Variants in TST observed in about 807,000 individuals in gnomAD.
TST encodes epididymis secretory sperm binding protein.
A neutral mutation model predicts 20.4 loss-of-function variants in TST; 22 were observed. The ratio of observed to expected loss-of-function variants is 1.08; its 90% CI spans 0.77 to 1.54. TST has a LOEUF of 1.54. TST is among the 40% of genes most tolerant of loss of function. TST has a pLI of 0.00. For synonymous variants in TST, 187 were observed against 173.8 expected (o/e 1.08, Z -0.60); for missense variants, 392 against 405.2 (o/e 0.97, Z 0.28).
At chr22:37,011,352 G>A (rs1349027229) in intron 2 of TST, 27 bp from the exon 3 acceptor site, 2 of 1,593,524 alleles carry the variant, frequency 1.3e-6, no homozygotes, top group Admixed American at 1.7e-5. Flanking sequence ...ACACAGCTTA[G>A]GGGATGTATG....
Position 37,018,709 on chromosome 22 carries a change from C to T in TST, c.24G>A (p.Arg8=). 3 of 1,511,044 alleles carry T rather than the reference C, an allele frequency of 2.0e-6. No individual in the cohort carries two copies. The highest frequency in any genetic ancestry group is 2.6e-6 in the Non-Finnish European group (3 of 1,133,840). 93.6% of individuals were successfully genotyped at this position (1,511,044 alleles called of 1,614,324 possible). Reference sequence around the variant, plus strand: ...CCAGCCACTTGGTGGAGACCAGCGCCCGGTAGAGCACCTGATGAACCATGG... The same window carrying T: ...CCAGCCACTTGGTGGAGACCAGCGCTCGGTAGAGCACCTGATGAACCATGG... MVHQVLY[R]ALVSTKWLAE... is the part of the protein sequence containing the mutation. Residue 8 remains arginine (R), a synonymous_variant, in exon 2 of 3, where the codon CGG becomes CGA. Transcript: ENST00000249042.
chr22:37,019,922 C>A, upstream of TST: 1 of 997,164 alleles, frequency 1.0e-6, no homozygotes, highest in Non-Finnish European at 1.3e-6. Flanking sequence ...GAGGGAGTGG[C>A]TCTTTGGGGG....
chr22:37,014,327 A>G (rs130605), intron 2 of TST, among the ~76,000 whole-genome samples: 95,691 of 152,082 alleles, frequency 0.63, 32,107 homozygotes, highest in African/African-American at 0.87. Context: ...CCAAGATCGC[A>G]CCACTGCACT....
chr22:37,017,898 G>C (rs1922744271), intron 2 of TST, among the ~76,000 whole-genome samples: 1 of 152,212 alleles, frequency 6.6e-6, no homozygotes, highest in African/African-American at 2.4e-5. Flanking sequence ...TGCTCACACA[G>C]ATGCTAGGTG....
intron 1 of TST, 174 bp from the exon 2 acceptor site, chr22:37,018,927 T>G: frequency 4.1e-6 from 2 of 488,564 alleles, no homozygotes; most frequent in African/African-American, 2.0e-5. Context: ...AGATTCCCTC[T>G]GGAAAGCCGG....
intron 2 of TST, among the ~76,000 whole-genome samples, chr22:37,017,248 T>A (rs1922714334): frequency 6.6e-6 from 1 of 152,108 alleles, no homozygotes; most frequent in Non-Finnish European, 1.5e-5. Flanking sequence ...GAACTCAGCA[T>A]TTCCTCTCCT....
rs1313825719 is a variant in TST, at chr22:37,011,060, G to C, written c.861C>G (p.Ser287Arg). Residue 287 changes from serine to arginine, a missense_variant, in exon 3 of 3, where the codon AGC becomes AGG. Physicochemically the swap from Ser to Arg is moderately radical, Grantham distance 110. Transcript: ENST00000249042. ...SEWFRRAPPE[S>R]RVSQGKSEKA ...TCTCAGACTTTCCCTGGGACACACG[G>C]CTCTCTGGGGGGGCCCGGCGAAACC... The C allele has an allele frequency of 6.2e-7, 1 of 1,611,626 alleles. No homozygotes were observed.
chr22:37,016,661 C>T (rs1030509776), intron 2 of TST, among the ~76,000 whole-genome samples: 1 of 152,104 alleles, frequency 6.6e-6, no homozygotes, highest in Non-Finnish European at 1.5e-5. Context: ...CAGCTTAAAT[C>T]CCAAGGAGAA....
chr22:37,011,181 G>A lies in TST; in HGVS notation c.740C>T (p.Thr247Met), dbSNP rs143561353. ...KVDLSQPLIA[T>M]CRKGVTACHV... ...GCAGGCGGTGACTCCCTTGCGGCACGTGGCAATGAGAGGCTGCGAGAGATC... is the reference window on the plus strand; with the variant it reads ...GCAGGCGGTGACTCCCTTGCGGCACATGGCAATGAGAGGCTGCGAGAGATC... The change falls in exon 3 of 3, where the codon ACG (threonine) becomes ATG (methionine). Residue 247 changes from threonine (T) to methionine (M), a missense_variant. Coordinates refer to ENST00000249042, the MANE Select transcript of TST (RefSeq NM_003312.6). 13 of 1,613,840 alleles carry A rather than the reference G, an allele frequency of 8.1e-6. No homozygotes were observed. The African/African-American group carries it at 1.1e-4, about 13-fold the overall frequency.
At chr22:37,017,791 G>A (rs1922738980) in intron 2 of TST, among the ~76,000 whole-genome samples, 1 of 152,166 alleles carries the variant, frequency 6.6e-6, no homozygotes, top group South Asian at 2.1e-4. Context: ...CAATGCAAAC[G>A]CTGGCTCAGG....
chr22:37,011,331 C>A lies in TST; in HGVS notation c.596-6G>T. The A allele has an allele frequency of 6.2e-7, 1 of 1,608,396 alleles. No homozygotes were observed. The highest frequency in any genetic ancestry group is 8.5e-7 in the Non-Finnish European group (1 of 1,175,998). ...GATATGGCCCGAGTCCAGTCCTGGG[C>A]AGGGCAGAGGACACAGCTTAGGGGA... On this transcript the variant is annotated splice_region_variant and splice_polypyrimidine_tract_variant and intron_variant, in intron 2 of 2. Transcript: ENST00000249042.
Position 37,011,266 on chromosome 22 carries a change from C to G in TST, c.655G>C (p.Glu219Gln), listed in dbSNP as rs1385481030. The G allele has an allele frequency of 1.2e-6, 2 of 1,613,918 alleles. No individual in the cohort carries two copies. Among genetic ancestry groups the G allele is most frequent in the Non-Finnish European group, 8.5e-7 (1 of 1,180,004 alleles). Reference sequence around the variant, plus strand: ...TCTGGGCCCTTCTCGAAGCCATCCTCAGTCAGGAAGTCCATGAAAGGCATG... The same window carrying G: ...TCTGGGCCCTTCTCGAAGCCATCCTGAGTCAGGAAGTCCATGAAAGGCATG... ...VNMPFMDFLTEDGFEKGPEEL... is the reference protein window; with the variant it reads ...VNMPFMDFLTQDGFEKGPEEL... The change falls in exon 3 of 3, where the codon GAG (glutamate) becomes CAG (glutamine). Residue 219 changes from glutamate to glutamine, a missense_variant. Glu to Gln is a conservative substitution (Grantham distance 29, BLOSUM62 2). Coordinates refer to ENST00000249042, the MANE Select transcript of TST (RefSeq NM_003312.6).
At position 37,018,152 on chromosome 22, in the gene TST, T is replaced by C; in HGVS notation, c.581A>G (p.Glu194Gly). 1 of 1,557,832 alleles carries C rather than the reference T, an allele frequency of 6.4e-7. No homozygotes were observed. The highest frequency in any genetic ancestry group is 8.7e-7 in the Non-Finnish European group (1 of 1,149,922). The stretch of plus-strand genomic sequence containing the variant: ...GGGACACCTACCTACTGCATCCGGC[T>C]CCGGCTCGGTGCCCAGGAACCGCCC... Reference protein sequence around the residue: ...SQGRFLGTEPEPDAVGLDSGH... With the variant: ...SQGRFLGTEPGPDAVGLDSGH... The change falls in exon 2 of 3, where the codon GAG (glutamate) becomes GGG (glycine). Residue 194 changes from glutamate (E) to glycine (G), a missense_variant. Transcript: ENST00000249042.
intron 2 of TST, among the ~76,000 whole-genome samples, chr22:37,012,254 C>A (rs1477463666): frequency 6.6e-6 from 1 of 152,142 alleles, no homozygotes; most frequent in East Asian, 1.9e-4. Flanking sequence ...CCTCCAAGAA[C>A]TTGGATGGAA....
chr22:37,018,063 G>A (rs2145901084), intron 2 of TST, 75 bp downstream of exon 2: 3 of 1,178,692 alleles, frequency 2.5e-6, no homozygotes, highest in Non-Finnish European at 2.3e-6. Flanking sequence ...CCTGGAGAGG[G>A]TCCCAGTCAT....
At chr22:37,020,164 A>C (rs567780250), upstream of TST, 1 of 363,452 alleles carries the variant, frequency 2.8e-6, no homozygotes, top group Admixed American at 4.7e-5. Context: ...CCGCTGACCC[A>C]GAGGCCCCAG....
chr22:37,011,287 G>T lies in TST; in HGVS notation c.634C>A (p.Pro212Thr), dbSNP rs760288142. 6.8e-6 allele frequency: 11 copies of T among 1,613,690 alleles called. 1 individual carries two copies. The South Asian group carries it at 1.1e-4, about 16-fold the overall frequency. ...SGHIRGAVNM[P>T]FMDFLTEDGF... Reference sequence around the variant, plus strand: ...TCCTCAGTCAGGAAGTCCATGAAAGGCATGTTGACGGCACCACGGATATGG... The same window carrying T: ...TCCTCAGTCAGGAAGTCCATGAAAGTCATGTTGACGGCACCACGGATATGG... Residue 212 changes from proline (P) to threonine (T), a missense_variant, in exon 3 of 3, where the codon CCT (proline) becomes ACT (threonine). Physicochemically the swap from Pro to Thr is conservative, Grantham distance 38. Coordinates refer to ENST00000249042, the MANE Select transcript of TST (RefSeq NM_003312.6).
chr22:37,017,833 T>C (rs1384659499), intron 2 of TST, among the ~76,000 whole-genome samples: 3 of 152,148 alleles, frequency 2.0e-5, no homozygotes, highest in Admixed American at 1.3e-4. Context: ...TCCTAGTACA[T>C]GTGGGGCAGC....
Position 37,018,403 on chromosome 22 carries a change from G to C in TST, c.330C>G (p.Pro110=). ...DGEHLGSFYA[P]RVWWMFRVFG... The stretch of plus-strand genomic sequence containing the variant: ...ACACACGGAACATCCACCAGACCCG[G>C]GGAGCATAGAAGCTGCCCAGGTGTT... Residue 110 remains proline (P), a synonymous_variant, in exon 2 of 3, where the codon CCC becomes CCG. Coordinates refer to ENST00000249042, the MANE Select transcript of TST (RefSeq NM_003312.6). 1 of 1,613,810 alleles carries C rather than the reference G, an allele frequency of 6.2e-7. No homozygotes were observed. Among genetic ancestry groups the C allele is most frequent in the Non-Finnish European group, 8.5e-7 (1 of 1,180,008 alleles).
Sources: allele counts gnomAD v4.1 joint callset (sites outside exome capture counted in the v4.1 genomes callset), GRCh38; gene constraint gnomAD v4.1.1; transcripts MANE v1.5; gene names NCBI Gene and HGNC (gene_info 2026-07-23, HGNC 2026-07-21).